The following RFX7 variants were observed in gnomAD, a reference collection of about 807,000 sequenced individuals.
RFX7 encodes DNA-binding protein RFX7.
Under a neutral mutation model 111.8 loss-of-function variants are expected in RFX7, and 26 were observed. The ratio of observed to expected loss-of-function variants is 0.23; its 90% CI spans 0.17 to 0.32. The LOEUF (loss-of-function observed/expected upper bound fraction) is 0.32. Among genes scored for constraint, RFX7 ranks in the 10% least tolerant of loss-of-function variants. The probability of loss-of-function intolerance (pLI) is 1.00; values close to 1 mark genes in which losing one functional copy is unlikely to be tolerated. For synonymous variants in RFX7, 624 were observed against 624.4 expected, an observed-to-expected ratio of 1.00 and a Z score of 0.01; for missense variants, 1,573 against 1,772.9, an observed-to-expected ratio of 0.89 and a Z score of 2.02.
chr15:56,168,335 A>C (rs1162578374), intron 3 of RFX7, among the ~76,000 whole-genome samples: 3 of 152,238 alleles, frequency 2.0e-5, no homozygotes, highest in Non-Finnish European at 1.5e-5. Flanking sequence ...ATATTTACTT[A>C]CTTTTTGATA....
At chr15:56,170,050 A>G (rs769957064) in intron 3 of RFX7, among the ~76,000 whole-genome samples, 4 of 152,232 alleles carry the variant, frequency 2.6e-5, no homozygotes, top group Non-Finnish European at 5.9e-5. Flanking sequence ...TTAAGGTGGC[A>G]ACACTTCTAT....
chr15:56,125,775 G>A (rs1472074875), intron 5 of RFX7, among the ~76,000 whole-genome samples: 6 of 152,022 alleles, frequency 3.9e-5, no homozygotes, highest in Non-Finnish European at 7.4e-5. Flanking sequence ...AACATTAAAC[G>A]TTAAGGACTT....
chr15:56,099,554 C>T (rs1162221946), intron 8 of RFX7, among the ~76,000 whole-genome samples: 1 of 151,868 alleles, frequency 6.6e-6, no homozygotes, highest in East Asian at 1.9e-4. Context: ...GGTTTTGAGA[C>T]AGGAATGAGT....
chr15:56,165,949 T>G (rs1278826295), intron 3 of RFX7, among the ~76,000 whole-genome samples: 1 of 152,180 alleles, frequency 6.6e-6, no homozygotes, highest in Non-Finnish European at 1.5e-5. Flanking sequence ...TCACCCAGGC[T>G]GGAGTGCAGT....
intron 3 of RFX7, among the ~76,000 whole-genome samples, chr15:56,177,599 G>A (rs2042916091): frequency 1.3e-5 from 2 of 152,004 alleles, no homozygotes; most frequent in South Asian, 4.1e-4. Context: ...TTCTTATTTA[G>A]TATTTTATAA....
At chr15:56,150,921 AC>A (rs1298788451) in intron 3 of RFX7, among the ~76,000 whole-genome samples, 1 of 152,178 alleles carries the variant, frequency 6.6e-6, no homozygotes, top group Non-Finnish European at 1.5e-5. Flanking sequence ...CGTGTAGCAT[AC>A]ACAAGTATTA....
At chr15:56,243,042 T>TACCCCC in intron 2 of RFX7, 83 bp downstream of exon 2, 7 of 543,104 alleles carry the variant, frequency 1.3e-5, no homozygotes, top group Non-Finnish European at 2.0e-5. Flanking sequence ...CCTCCTCCGC[T>TACCCCC]CCCCCCGCCC....
chr15:56,187,070 TA>T (rs1275934113), intron 2 of RFX7, among the ~76,000 whole-genome samples: 1 of 152,186 alleles, frequency 6.6e-6, no homozygotes, highest in Non-Finnish European at 1.5e-5. Context: ...CAAGTTAACA[TA>T]TATTAAAATA....
intron 5 of RFX7, among the ~76,000 whole-genome samples, chr15:56,139,842 C>A (rs1375773601): frequency 6.6e-6 from 1 of 152,134 alleles, no homozygotes; most frequent in East Asian, 1.9e-4. Context: ...ACAGACAGGA[C>A]CCTCAGCTGT....
intron 5 of RFX7, among the ~76,000 whole-genome samples, chr15:56,104,003 C>T (rs1363808142): frequency 6.6e-6 from 1 of 152,212 alleles, no homozygotes; most frequent in Admixed American, 6.5e-5. Context: ...TAAGTTTCCA[C>T]ATATGTATCA....
chr15:56,204,207 T>C (rs956923511), intron 2 of RFX7, among the ~76,000 whole-genome samples: 1 of 151,924 alleles, frequency 6.6e-6, no homozygotes, highest in East Asian at 1.9e-4. Context: ...TTAATAGAGA[T>C]GGGGTTTCAC....
chr15:56,129,938 T>C (rs1238393643), intron 5 of RFX7, among the ~76,000 whole-genome samples: 1 of 152,200 alleles, frequency 6.6e-6, no homozygotes, highest in Non-Finnish European at 1.5e-5. Flanking sequence ...CATTTGTAAA[T>C]GGTAGCTGAA....
chr15:56,110,452 C>A (rs1319890693), intron 5 of RFX7, among the ~76,000 whole-genome samples: 1 of 133,724 alleles, frequency 7.5e-6, no homozygotes, highest in South Asian at 2.4e-4. Flanking sequence ...CCGCCCCATC[C>A]GGGAGGCGAG....
intron 2 of RFX7, among the ~76,000 whole-genome samples, chr15:56,240,879 C>A (rs1289571118): frequency 1.3e-5 from 2 of 152,012 alleles, no homozygotes; most frequent in Admixed American, 6.6e-5. Flanking sequence ...TATACTATTT[C>A]TTAGGAATAT....
chr15:56,158,847 C>G (rs1054651382), intron 3 of RFX7, among the ~76,000 whole-genome samples: 2 of 151,928 alleles, frequency 1.3e-5, no homozygotes, highest in Non-Finnish European at 2.9e-5. Flanking sequence ...CCCCCAAAAC[C>G]CAAAAAACAA....
chr15:56,110,511 C>A (rs1217341194), intron 5 of RFX7, among the ~76,000 whole-genome samples: 2 of 94,418 alleles, frequency 2.1e-5, no homozygotes, highest in Non-Finnish European at 4.5e-5. Context: ...AGCCCCTCTG[C>A]CCGGCCAGCT....
chr15:56,221,291 T>C (rs1470606533), intron 2 of RFX7, among the ~76,000 whole-genome samples: 2 of 152,226 alleles, frequency 1.3e-5, no homozygotes, highest in Non-Finnish European at 2.9e-5. Context: ...TAAAAAACAT[T>C]AATTCTTCCT....
intron 2 of RFX7, among the ~76,000 whole-genome samples, chr15:56,214,884 A>C (rs1442729802): frequency 1.4e-5 from 2 of 138,438 alleles, no homozygotes; most frequent in Admixed American, 7.2e-5. Flanking sequence ...GTGTAGATTG[A>C]GTTTTCCATG....
At chr15:56,233,558 TGA>T (rs1183750140) in intron 2 of RFX7, among the ~76,000 whole-genome samples, 1 of 151,828 alleles carries the variant, frequency 6.6e-6, no homozygotes, top group Non-Finnish European at 1.5e-5. Flanking sequence ...GACACGAGGA[TGA>T]GAGAAAAATA....
Sources: allele counts gnomAD v4.1 joint callset (sites outside exome capture counted in the v4.1 genomes callset), GRCh38; gene constraint gnomAD v4.1.1; transcripts MANE v1.5; gene names NCBI Gene and HGNC (gene_info 2026-07-23, HGNC 2026-07-21).